The following MICAL3 variants were observed in gnomAD, a reference collection of about 807,000 sequenced individuals.
The protein encoded by MICAL3 is microtubule associated monooxygenase, calponin and LIM domain containing 3.
MICAL3 carries 62 observed loss-of-function variants against 207.4 expected under a neutral mutation model. That is an observed-to-expected ratio of 0.30 (90% confidence interval 0.24 to 0.37). The LOEUF (loss-of-function observed/expected upper bound fraction) is 0.37, where lower values mean the gene tolerates loss of function less well. MICAL3 is among the 10% of genes least tolerant of loss of function. The pLI, the probability that MICAL3 is intolerant of heterozygous loss-of-function variation, is 1.00. For synonymous variants in MICAL3, 1,077 were observed against 1,069.3 expected (o/e 1.01, Z -0.14); for missense variants, 2,368 against 2,635.6 (o/e 0.90, Z 2.22).
intron 16 of MICAL3, among the ~76,000 whole-genome samples, chr22:17,883,534 T>C (rs986334305): frequency 1.3e-5 from 2 of 152,134 alleles, no homozygotes; most frequent in African/African-American, 2.4e-5. Context: ...CTAAATGATA[T>C]CGGACAACGA....
At chr22:17,949,931 T>C (rs925622281) in intron 1 of MICAL3, among the ~76,000 whole-genome samples, 5 of 152,252 alleles carry the variant, frequency 3.3e-5, no homozygotes, top group Admixed American at 2.0e-4. Context: ...AACAAGCTCC[T>C]GGGCCAAGCC....
At chr22:18,021,878 C>G (rs1004355409) in intron 1 of MICAL3, among the ~76,000 whole-genome samples, 1 of 152,086 alleles carries the variant, frequency 6.6e-6, no homozygotes, top group Non-Finnish European at 1.5e-5. Flanking sequence ...ATGACTGAGC[C>G]GTGCCCAAGA....
intron 9 of MICAL3, among the ~76,000 whole-genome samples, chr22:17,895,815 C>T (rs1194230000): frequency 6.6e-6 from 1 of 152,166 alleles, no homozygotes; most frequent in African/African-American, 2.4e-5. Flanking sequence ...TATCAACTCC[C>T]AATTTCATCT....
At position 17,900,750 on chromosome 22, in the gene MICAL3, C is replaced by G. The variant is rs1429074031; in HGVS notation, c.847+92G>C. 1 of 1,124,404 alleles carries G rather than the reference C, an allele frequency of 8.9e-7. No individual in the cohort carries two copies. Among genetic ancestry groups the G allele is most frequent in the Admixed American group, 2.0e-5 (1 of 49,548 alleles). 69.7% of individuals were successfully genotyped at this position (1,124,404 alleles called of 1,614,324 possible). A position where few individuals can be genotyped will look rare whatever the true frequency, so the allele number is the denominator to read the frequency against. ...GGGGCAGACAGTGCAGGAGGGACACCGACGGCCACTCACCCCACCAATCCC... is the reference window on the plus strand; with the variant it reads ...GGGGCAGACAGTGCAGGAGGGACACGGACGGCCACTCACCCCACCAATCCC... On this transcript the variant is annotated intron_variant, in intron 6 of 31. Transcript: ENST00000441493. The surrounding 1 kb of genome is among the most constrained non-coding windows in gnomAD (Gnocchi z 4.0).
In MICAL3 at chr22:17,978,766, G is replaced by A. The variant is rs192397892; in HGVS notation, c.-75+45515C>T. On this transcript the variant is annotated intron_variant, in intron 1 of 31. Coordinates refer to ENST00000441493, the MANE Select transcript of MICAL3 (RefSeq NM_015241.3). ...GCTCCTGACCTCAGGTGATCTGCCC[G>A]CCTCGGCCTCCCAAAGTGCTGGGAT... Among the ~76,000 whole-genome samples the A allele has an allele frequency of 5.4e-3, 815 of 151,870 alleles. 6 individuals carry two copies. The highest frequency in any genetic ancestry group is 0.018 in the African/African-American group (763 of 41,442).
intron 1 of MICAL3, among the ~76,000 whole-genome samples, chr22:17,986,200 C>T (rs546568356): frequency 2.9e-4 from 44 of 152,296 alleles, no homozygotes; most frequent in African/African-American, 8.7e-4. Context: ...CCACCTCGCC[C>T]GGCCACAAGA....
At chr22:17,840,193 G>A (rs1296118381) in intron 20 of MICAL3, 8 of 152,086 alleles carry the variant, frequency 5.3e-5, no homozygotes, top group African/African-American at 1.9e-4. Flanking sequence ...CCAGGTTCAA[G>A]CAATTCTCAT....
intron 16 of MICAL3, chr22:17,884,325 A>G: frequency 1.3e-6 from 2 of 1,595,866 alleles, no homozygotes; most frequent in South Asian, 2.3e-5. Flanking sequence ...GGCAGGCAGC[A>G]GGACGGCTGG....
chr22:17,948,196 C>G, intron 1 of MICAL3, among the ~76,000 whole-genome samples: 1 of 152,340 alleles, frequency 6.6e-6, no homozygotes, highest in South Asian at 2.1e-4. Context: ...TGCCCTGCTC[C>G]GGCGTGGCCT....
intron 1 of MICAL3, among the ~76,000 whole-genome samples, chr22:18,022,064 C>T (rs890809839): frequency 1.3e-4 from 20 of 152,166 alleles, no homozygotes; most frequent in African/African-American, 4.8e-4. Flanking sequence ...TTCAGACCCC[C>T]AGTTTTAAGA....
chr22:17,822,345 G>A (rs1239899131), intron 23 of MICAL3, among the ~76,000 whole-genome samples, 175 bp from the exon 24 acceptor site: 4 of 152,342 alleles, frequency 2.6e-5, no homozygotes. Flanking sequence ...GCTCCTGAGG[G>A]GCCCGGCCAA....
At chr22:17,812,105 CATA>C (rs2062055001) in intron 27 of MICAL3, among the ~76,000 whole-genome samples, 1 of 152,178 alleles carries the variant, frequency 6.6e-6, no homozygotes. Context: ...GGTCTATACT[CATA>C]ATCTTCACTC....
intron 19 of MICAL3, chr22:17,864,118 G>A (rs189071209): frequency 1.1e-4 from 106 of 986,956 alleles, no homozygotes; most frequent in Admixed American, 1.8e-4. Context: ...CCATTTTAAG[G>A]AAAATCTACA....
chr22:17,962,534 A>T (rs963300939), intron 1 of MICAL3, among the ~76,000 whole-genome samples: 2 of 152,184 alleles, frequency 1.3e-5, no homozygotes, highest in Non-Finnish European at 2.9e-5. Context: ...ATCAAGGAAG[A>T]TGGAACTGCG....
Position 17,841,787 on chromosome 22 carries a change from T to TGGCGGGTG in MICAL3, c.2801+27_2801+34dup. 1.3e-6 allele frequency: 2 copies of TGGCGGGTG among 1,539,376 alleles called. No homozygotes were observed. Among genetic ancestry groups the TGGCGGGTG allele is most frequent in the Non-Finnish European group, 1.8e-6 (2 of 1,142,588 alleles). ...AGGTGAGGAGGCTCTTAGGGCCGTGTGGCGGGTGGGCGCCCTGCAGCCCTG... is the reference window on the plus strand; with the variant it reads ...AGGTGAGGAGGCTCTTAGGGCCGTGTGGCGGGTGGGCGGGTGGGCGCCCTGCAGCCCTG... On this transcript the variant is annotated intron_variant, in intron 20 of 31. Coordinates refer to ENST00000441493, the MANE Select transcript of MICAL3 (RefSeq NM_015241.3). This position sits in a 1 kb window ranked among gnomAD's most constrained non-coding sequence, Gnocchi z 4.2.
intron 19 of MICAL3, among the ~76,000 whole-genome samples, chr22:17,849,652 G>A (rs910265735): frequency 9.1e-6 from 1 of 110,492 alleles, no homozygotes; most frequent in Non-Finnish European, 1.8e-5. Context: ...GAATGTGTGT[G>A]TGTGTGTGTG....
Position 17,791,306 on chromosome 22 carries a change from C to T in MICAL3, c.5651-5G>A, listed in dbSNP as rs770450522. The T allele has an allele frequency of 1.6e-5, 25 of 1,611,596 alleles. No individual in the cohort carries two copies. Among genetic ancestry groups the T allele is most frequent in the South Asian group, 5.5e-5 (5 of 90,670 alleles). ...GGTCGTCCTTCTTGCCCATGCCTGC[C>T]GAGAGAACGCTTGTGTCGGGTGCAG... On this transcript the variant is annotated splice_region_variant and splice_polypyrimidine_tract_variant and intron_variant, in intron 29 of 31. Coordinates refer to ENST00000441493, the MANE Select transcript of MICAL3 (RefSeq NM_015241.3).
chr22:17,974,397 C>T (rs1935543323), intron 1 of MICAL3, among the ~76,000 whole-genome samples: 1 of 152,326 alleles, frequency 6.6e-6, no homozygotes, highest in African/African-American at 2.4e-5. Context: ...TCATGTTTTA[C>T]TCAAACCTGA....
intron 1 of MICAL3, among the ~76,000 whole-genome samples, chr22:18,003,884 C>G (rs931921445): frequency 2.0e-5 from 3 of 152,148 alleles, no homozygotes; most frequent in African/African-American, 7.2e-5. Flanking sequence ...ATTCTCCTGC[C>G]TCAGCCTCCC....
Sources: gnomAD v4.1 joint callset for allele counts (sites outside exome capture counted in the v4.1 genomes callset) on GRCh38, gnomAD v4.1.1 for gene constraint, Gnocchi (gnomAD v3.1) non-coding constraint, MANE v1.5 for transcripts, NCBI Gene and HGNC (gene_info 2026-07-23, HGNC 2026-07-21) for gene names.